HDAC9: variants seen among roughly 807,000 people sequenced by gnomAD.
HDAC9 encodes MEF-2 interacting transcription repressor (MITR) protein.
In HDAC9, 41 loss-of-function variants were observed where a neutral mutation model predicts 139.4. That is an observed-to-expected ratio of 0.29 (90% CI 0.23 to 0.38). The LOEUF is 0.38. Among genes scored for constraint, HDAC9 ranks in the 10% least tolerant of loss-of-function variants. The pLI, the probability that HDAC9 is intolerant of heterozygous loss-of-function variation, is 1.00. For missense variants in HDAC9, 1,147 were observed against 1,297.0 expected, an observed-to-expected ratio of 0.88 and a Z score of 1.78; for synonymous variants, 517 against 476.2, an observed-to-expected ratio of 1.09 and a Z score of -1.12.
chr7:18,298,073 A>G (rs1472497760), intron 1 of HDAC9, among the ~76,000 whole-genome samples: 3 of 152,134 alleles, frequency 2.0e-5, no homozygotes, highest in African/African-American at 7.2e-5. Flanking sequence ...ACAATACACT[A>G]TGATTGGCCT....
chr7:18,228,281 C>T (rs1793206559), intron 2 of HDAC9, among the ~76,000 whole-genome samples: 1 of 146,246 alleles, frequency 6.8e-6, no homozygotes, highest in Non-Finnish European at 1.5e-5. Flanking sequence ...AAAATGATCC[C>T]AGAAGTAGAT....
intron 2 of HDAC9, among the ~76,000 whole-genome samples, chr7:18,183,287 G>A (rs748834867): frequency 1.2e-4 from 19 of 152,102 alleles, no homozygotes; most frequent in African/African-American, 1.9e-4. Context: ...GGGATTACAG[G>A]CGTGAGCCAC....
intron 1 of HDAC9, among the ~76,000 whole-genome samples, chr7:18,490,050 C>T (rs999141472): frequency 6.6e-6 from 1 of 152,040 alleles, no homozygotes; most frequent in Non-Finnish European, 1.5e-5. Context: ...CTAGCCTTAC[C>T]TAGTCTAATT....
chr7:18,708,930 G>GCA (rs144217710), intron 12 of HDAC9, among the ~76,000 whole-genome samples: 80 of 149,750 alleles, frequency 5.3e-4, no homozygotes, highest in Middle Eastern at 6.8e-3. Context: ...CCACACACAT[G>GCA]CACACACACA....
Position 18,629,464 on chromosome 7 carries a change from G to C in HDAC9, c.779G>C (p.Arg260Pro), listed in dbSNP as rs1042313151. 1 of 1,612,056 alleles carries C rather than the reference G, an allele frequency of 6.2e-7. No homozygotes were observed. The highest frequency in any genetic ancestry group is 1.7e-5 in the Admixed American group (1 of 59,912). ...AATGTTGTCACTTCATTCAAGAAGC[G>C]AATGTTTGAGGTGACAGGTAATTGA... Reference protein sequence around the residue: ...DGNVVTSFKKRMFEVTESSVS... With the variant: ...DGNVVTSFKKPMFEVTESSVS... The change falls in exon 7 of 26, where the codon CGA becomes CCA. Residue 260 changes from arginine (R) to proline (P), a missense_variant. Physicochemically the swap from Arg to Pro is moderately radical, Grantham distance 103. Coordinates refer to ENST00000686413, the MANE Select transcript of HDAC9 (RefSeq NM_178425.4).
intron 12 of HDAC9, among the ~76,000 whole-genome samples, chr7:18,693,701 T>C (rs1177624505): frequency 6.6e-6 from 1 of 152,162 alleles, no homozygotes; most frequent in Non-Finnish European, 1.5e-5. Context: ...AAATAACCTC[T>C]TTATGTACTC....
chr7:18,249,724 A>AAAT (rs1298715340), intron 2 of HDAC9, among the ~76,000 whole-genome samples: 2 of 152,042 alleles, frequency 1.3e-5, no homozygotes, highest in Non-Finnish European at 2.9e-5. Flanking sequence ...AACACCAATT[A>AAAT]AATAGTTAGG....
intron 2 of HDAC9, among the ~76,000 whole-genome samples, chr7:18,567,602 G>A (rs1276657502): frequency 6.6e-6 from 1 of 152,106 alleles, no homozygotes; most frequent in Non-Finnish European, 1.5e-5. Context: ...TAAGCTCTAT[G>A]ATTAGCAATG....
At chr7:18,647,721 T>C (rs992593505) in intron 9 of HDAC9, 64 bp from the exon 10 acceptor site, 7 of 1,364,374 alleles carry the variant, frequency 5.1e-6, no homozygotes, top group Non-Finnish European at 7.0e-6. Flanking sequence ...TGTCTAATGA[T>C]TTAGAGACCC....
At chr7:18,918,815 G>T (rs1803436618) in intron 22 of HDAC9, among the ~76,000 whole-genome samples, 1 of 152,016 alleles carries the variant, frequency 6.6e-6, no homozygotes, top group Non-Finnish European at 1.5e-5. Context: ...GATTACGGTG[G>T]AATTAATGAG....
In HDAC9 at chr7:18,238,635, G is replaced by A. The variant is rs146482145; in HGVS notation, c.25+76286G>A. Among the ~76,000 whole-genome samples the A allele has an allele frequency of 4.6e-5, 7 of 152,310 alleles. No individual in the cohort carries two copies. The East Asian group carries it at 1.3e-3, about 29-fold the overall frequency. ...TTTTAGATTCAGTCATCTTCACTGA[G>A]AACCCAGGAATAAAATTAGGCTGAT... On this transcript the variant is annotated intron_variant, in intron 2 of 12. Transcript: ENST00000417496.
chr7:18,496,030 A>T lies in HDAC9; in HGVS notation c.-42+7A>T, dbSNP rs1042476863. 5 of 1,431,738 alleles carry T rather than the reference A, an allele frequency of 3.5e-6. No individual in the cohort carries two copies. In the Admixed American group the frequency reaches 1.4e-4, roughly 40 times the overall value. The allele number at this position is 1,431,738 out of a possible 1,614,324, so 88.7% of individuals were successfully genotyped here. A position where few individuals can be genotyped will look rare whatever the true frequency, so the allele number is the denominator to read the frequency against. ...CTTTCTGCTTTGCACACAGGTTGGT[A>T]ACATGGGAAAAGTGTCCAGGTCTTT... On this transcript the variant is annotated splice_region_variant and intron_variant, in intron 1 of 25. Coordinates refer to ENST00000686413, the MANE Select transcript of HDAC9 (RefSeq NM_178425.4).
chr7:18,491,820 A>T (rs993728177), upstream of HDAC9, among the ~76,000 whole-genome samples: 1 of 151,880 alleles, frequency 6.6e-6, no homozygotes, highest in Non-Finnish European at 1.5e-5. Context: ...GGCAGATCGG[A>T]TGGTGCCTGC....
chr7:18,743,347 G>GA (rs553932293), intron 13 of HDAC9, among the ~76,000 whole-genome samples: 2 of 151,712 alleles, frequency 1.3e-5, no homozygotes, highest in Non-Finnish European at 2.9e-5. Context: ...TGACTTACAT[G>GA]AAAAAAAGAC....
intron 17 of HDAC9, among the ~76,000 whole-genome samples, chr7:18,822,732 C>A (rs140163717): frequency 9.1e-4 from 138 of 152,262 alleles, no homozygotes; most frequent in African/African-American, 3.2e-3. Context: ...TTCTTCTGTG[C>A]CAGATTGCCT....
At chr7:18,914,527 G>T (rs1803020679) in intron 22 of HDAC9, among the ~76,000 whole-genome samples, 1 of 151,888 alleles carries the variant, frequency 6.6e-6, no homozygotes, top group Non-Finnish European at 1.5e-5. Context: ...GGTACATAAT[G>T]CCTTTGTTTC....
intron 12 of HDAC9, among the ~76,000 whole-genome samples, chr7:18,691,933 A>G (rs1393950292): frequency 6.6e-6 from 1 of 151,988 alleles, no homozygotes; most frequent in Non-Finnish European, 1.5e-5. Flanking sequence ...AACACAACAT[A>G]AAGAAAAGAG....
intron 1 of HDAC9, among the ~76,000 whole-genome samples, chr7:18,131,691 G>A (rs1421647383): frequency 6.6e-6 from 1 of 152,164 alleles, no homozygotes; most frequent in Non-Finnish European, 1.5e-5. Context: ...GCAAAGGACA[G>A]AAACTCTGAT....
At chr7:18,237,809 A>G (rs2128187977) in intron 2 of HDAC9, among the ~76,000 whole-genome samples, 1 of 152,300 alleles carries the variant, frequency 6.6e-6, no homozygotes, top group East Asian at 1.9e-4. Flanking sequence ...GGCCCAGGAG[A>G]AAGGTGTGGG....
Sources: allele counts gnomAD v4.1 joint callset (sites outside exome capture counted in the v4.1 genomes callset), GRCh38; gene constraint gnomAD v4.1.1; transcripts MANE v1.5; gene names NCBI Gene and HGNC (gene_info 2026-07-23, HGNC 2026-07-21).